The following MPPE1 variants were observed in gnomAD, a reference collection of about 807,000 sequenced individuals.
MPPE1 encodes the protein metallophosphoesterase 1, also known as metallo phosphoesterase.
MPPE1 carries 28 observed loss-of-function variants against 43.8 expected under a neutral mutation model. The observed-to-expected ratio is 0.64, with a 90% CI of 0.47 to 0.88. The LOEUF is 0.88. MPPE1 is among the 40% of genes least tolerant of loss of function. The pLI, the probability that MPPE1 is intolerant of heterozygous loss-of-function variation, is 0.00. For missense variants in MPPE1, 428 were observed against 492.2 expected (o/e 0.87, Z 1.23); for synonymous variants, 159 against 188.5 (o/e 0.84, Z 1.28).
In MPPE1 at chr18:11,906,270, C is replaced by G. The variant is rs1442882585; in HGVS notation, c.-160G>C. Reference sequence around the variant, plus strand: ...AAGACAGAGAGATTGGTACGAGGCTCTAAGTTGGCATCTGCTCCCCAAAAT... The same window carrying G: ...AAGACAGAGAGATTGGTACGAGGCTGTAAGTTGGCATCTGCTCCCCAAAAT... On this transcript the variant is annotated 5_prime_UTR_variant, in exon 2 of 11. An upstream open reading frame in the 5' UTR loses its in-frame stop. Transcript: ENST00000588072. 6.6e-6 allele frequency: 1 copy of G among 152,156 alleles called. No homozygotes were observed. Among genetic ancestry groups the G allele is most frequent in the African/African-American group, 2.4e-5 (1 of 41,434 alleles). 9.4% of individuals were successfully genotyped at this position (152,156 alleles called of 1,614,324 possible).
At chr18:11,901,290 G>C (rs539033507) in intron 2 of MPPE1, among the ~76,000 whole-genome samples, 1 of 151,926 alleles carries the variant, frequency 6.6e-6, no homozygotes, top group South Asian at 2.1e-4. Flanking sequence ...GAGTGCAGTG[G>C]TGTGCTCTCA....
intron 3 of MPPE1, among the ~76,000 whole-genome samples, chr18:11,894,410 T>C (rs941106351): frequency 3.3e-5 from 4 of 122,144 alleles, no homozygotes; most frequent in African/African-American, 9.6e-5. Context: ...CCAGCCTGGG[T>C]GACAGAGCGA....
At chr18:11,889,106 G>C in intron 5 of MPPE1, among the ~76,000 whole-genome samples, 1 of 152,124 alleles carries the variant, frequency 6.6e-6, no homozygotes, top group East Asian at 1.9e-4. Flanking sequence ...AAATGATCTT[G>C]GTTTTTCGTT....
At chr18:11,888,168 A>C (rs1261859602) in intron 6 of MPPE1, among the ~76,000 whole-genome samples, 1 of 152,238 alleles carries the variant, frequency 6.6e-6, no homozygotes, top group Non-Finnish European at 1.5e-5. Flanking sequence ...GCTCATGGTC[A>C]GGCTAAGGGT....
Position 11,886,815 on chromosome 18 carries a change from T to C in MPPE1, c.679-37A>G, listed in dbSNP as rs1162516274. 2 of 1,604,550 alleles carry C rather than the reference T, an allele frequency of 1.2e-6. No homozygotes were observed. The highest frequency in any genetic ancestry group is 2.2e-5 in the East Asian group (1 of 44,658). On this transcript the variant is annotated intron_variant, in intron 7 of 10. Transcript: ENST00000588072. The surrounding 1 kb of genome is among the most constrained non-coding windows in gnomAD (Gnocchi z 4.1). ...AAGTCAGGCCATTAATCCGCACACC[T>C]GACCCTCATCAAAGGGCAAGAAGCG...
At chr18:11,897,525 CCTCT>C (rs1209531502) in intron 2 of MPPE1, 169 bp from the exon 3 acceptor site, 5 of 419,384 alleles carry the variant, frequency 1.2e-5, no homozygotes, top group African/African-American at 8.0e-5. Flanking sequence ...AAACAACTGA[CCTCT>C]CTGACTCCTT....
At chr18:11,887,136 A>G in intron 6 of MPPE1, 111 bp from the exon 7 acceptor site, 1 of 703,200 alleles carries the variant, frequency 1.4e-6, no homozygotes, top group South Asian at 1.9e-5. Context: ...ACAAGCCCAG[A>G]GCAGCTTTCA....
chr18:11,886,499 C>A lies in MPPE1; in HGVS notation c.867G>T (p.Lys289Asn). 6.2e-7 allele frequency: 1 copy of A among 1,614,176 alleles called. No individual in the cohort carries two copies. Among genetic ancestry groups the A allele is most frequent in the Non-Finnish European group, 8.5e-7 (1 of 1,180,046 alleles). Residue 289 changes from lysine (K) to asparagine (N), a missense_variant and splice_region_variant, in exon 9 of 11, where the codon AAG (lysine) becomes AAT (asparagine). Lys to Asn is a moderately conservative substitution (Grantham distance 94). Coordinates refer to ENST00000588072, the MANE Select transcript of MPPE1 (RefSeq NM_023075.6). This position sits in a 1 kb window ranked among gnomAD's most constrained non-coding sequence, Gnocchi z 4.1. ...YDVLSREASQ[K>N]LLWWLQPRLV... ...TTAGCATCACGACACCCTGGCAAAC[C>A]TTTTGTGATGCCTCCCGTGAAAGCA...
rs1370911346 is a variant in MPPE1, at chr18:11,889,460, T to A, written c.421A>T (p.Lys141Ter). ...AWADDVERFQ[K>*]MFRHPSHVQL... ...ACATGACTTGGGTGTCTGAACATTT[T>A]CTGAAACCGCTCCACATCATCCGCC... Residue 141 changes from lysine (K) to a stop codon, truncating the protein, a stop_gained, in exon 5 of 11, where the codon AAA (lysine) becomes TAA (stop). Coordinates refer to ENST00000588072, the MANE Select transcript of MPPE1 (RefSeq NM_023075.6). LOFTEE classifies it high-confidence loss of function. 1.9e-6 allele frequency: 3 copies of A among 1,613,364 alleles called. No individual in the cohort carries two copies. Among genetic ancestry groups the A allele is most frequent in the Non-Finnish European group, 2.5e-6 (3 of 1,179,740 alleles).
rs1567929858 is a variant in MPPE1 at position 11,886,991 on chromosome 18, C to A, written c.604G>T (p.Asp202Tyr). 3 of 1,612,766 alleles carry A rather than the reference C, an allele frequency of 1.9e-6. No homozygotes were observed. Among genetic ancestry groups the A allele is most frequent in the South Asian group, 2.2e-5 (2 of 91,076 alleles). Residue 202 changes from aspartate to tyrosine, a missense_variant, in exon 7 of 11, where the codon GAT becomes TAT. Asp to Tyr is a radical substitution (Grantham distance 160). Around this residue, in one of 3 missense-constraint regions of MPPE1, gnomAD observed 379 missense variants for 402.5 expected, o/e 0.94. Transcript: ENST00000588072. This position sits in a 1 kb window ranked among gnomAD's most constrained non-coding sequence, Gnocchi z 4.1. ...VMVNSVALNG[D>Y]GCGICSETEA... ...GTTTCAGAGCAGATGCCACAGCCAT[C>A]CCCGTTCAGCGCCACGCTGTTGACC...
At chr18:11,903,480 G>C (rs1402818778) in intron 2 of MPPE1, among the ~76,000 whole-genome samples, 1 of 152,168 alleles carries the variant, frequency 6.6e-6, no homozygotes, top group Non-Finnish European at 1.5e-5. Context: ...CGCCAGAAGT[G>C]GGTCAGCCTA....
At position 11,886,372 on chromosome 18, in the gene MPPE1, C is replaced by G; in HGVS notation, c.867+127G>C. ...AGCCAGGCCTCCACCCCTGTCCCCCCAGGTGATAACTAAGTCATGAACGTT... is the reference window on the plus strand; with the variant it reads ...AGCCAGGCCTCCACCCCTGTCCCCCGAGGTGATAACTAAGTCATGAACGTT... On this transcript the variant is annotated intron_variant, in intron 9 of 10. Transcript: ENST00000588072. This position sits in a 1 kb window ranked among gnomAD's most constrained non-coding sequence, Gnocchi z 4.1. The G allele has an allele frequency of 3.0e-6, 4 of 1,330,576 alleles. No individual in the cohort carries two copies. Among genetic ancestry groups the G allele is most frequent in the Non-Finnish European group, 4.3e-6 (4 of 939,590 alleles). 82.4% of individuals were successfully genotyped at this position (1,330,576 alleles called of 1,614,324 possible).
chr18:11,899,558 G>C (rs182672653), intron 2 of MPPE1, among the ~76,000 whole-genome samples: 29 of 152,256 alleles, frequency 1.9e-4, no homozygotes, highest in Non-Finnish European at 3.4e-4. Flanking sequence ...TTGGTAAAAG[G>C]CTGCCCTGAG....
chr18:11,899,984 G>A (rs900811011), intron 2 of MPPE1, among the ~76,000 whole-genome samples: 2 of 152,078 alleles, frequency 1.3e-5, no homozygotes, highest in African/African-American at 4.8e-5. Flanking sequence ...GGCCGAGGCG[G>A]GTGGATCACC....
chr18:11,900,711 T>G (rs926917770), intron 2 of MPPE1, among the ~76,000 whole-genome samples: 13 of 151,656 alleles, frequency 8.6e-5, no homozygotes, highest in East Asian at 1.9e-4. Flanking sequence ...ATCGAGACCA[T>G]CCTGGCTAAC....
chr18:11,895,022 G>A (rs554795608), intron 3 of MPPE1, among the ~76,000 whole-genome samples: 19 of 152,314 alleles, frequency 1.2e-4, no homozygotes, highest in East Asian at 1.2e-3. Context: ...AGCCCTCCCC[G>A]TCTTCAACCT....
intron 10 of MPPE1, 30 bp downstream of exon 10, chr18:11,885,646 C>G (rs2037106992): frequency 1.3e-6 from 2 of 1,595,974 alleles, no homozygotes; most frequent in African/African-American, 2.7e-5. Flanking sequence ...CTTATGAAAG[C>G]TTTCAGACAA....
chr18:11,890,350 C>G (rs1335784481), intron 4 of MPPE1, among the ~76,000 whole-genome samples: 2 of 151,974 alleles, frequency 1.3e-5, no homozygotes, highest in African/African-American at 4.8e-5. Context: ...ACTATGTCAC[C>G]CAGGATGGAG....
intron 2 of MPPE1, 31 bp downstream of exon 2, chr18:11,906,172 C>T (rs2039696997): frequency 6.6e-6 from 1 of 152,170 alleles, no homozygotes; most frequent in East Asian, 1.9e-4. Context: ...CAGACATATC[C>T]GTAAAATATG....
Sources: allele counts gnomAD v4.1 joint callset (sites outside exome capture counted in the v4.1 genomes callset), GRCh38; gene constraint gnomAD v4.1.1; regional missense constraint gnomAD v4.1.1; non-coding constraint Gnocchi (gnomAD v3.1); transcripts MANE v1.5; gene names NCBI Gene and HGNC (gene_info 2026-07-23, HGNC 2026-07-21).